The following HCN1 variants were observed in gnomAD, a reference collection of about 807,000 sequenced individuals.
HCN1 encodes hyperpolarization activated cyclic nucleotide gated potassium channel 1.
A neutral mutation model predicts 78.9 loss-of-function variants in HCN1; 13 were observed. The ratio of observed to expected loss-of-function variants is 0.16; its 90% CI spans 0.11 to 0.26. The LOEUF (loss-of-function observed/expected upper bound fraction) is 0.26, where lower values mean the gene tolerates loss of function less well. Among genes scored for constraint, HCN1 ranks in the 10% least tolerant of loss-of-function variants. HCN1 has a pLI of 1.00. For synonymous variants in HCN1, 552 were observed against 455.5 expected (o/e 1.21, Z -2.70); for missense variants, 810 against 1,154.3 (o/e 0.70, Z 4.32).
At chr5:45,489,443 G>A (rs913964998) in intron 2 of HCN1, among the ~76,000 whole-genome samples, 1 of 152,094 alleles carries the variant, frequency 6.6e-6, no homozygotes, top group South Asian at 2.1e-4. Flanking sequence ...GAATAAAAGT[G>A]TTTTTCTGTT....
intron 6 of HCN1, among the ~76,000 whole-genome samples, chr5:45,301,723 A>T (rs1286009209): frequency 8.0e-5 from 6 of 74,570 alleles, no homozygotes; most frequent in Admixed American, 1.4e-4. Flanking sequence ...CCTGTCATTT[A>T]AAAAAAAAAA....
At chr5:45,388,286 A>G (rs1747968096) in intron 4 of HCN1, among the ~76,000 whole-genome samples, 1 of 152,138 alleles carries the variant, frequency 6.6e-6, no homozygotes, top group Non-Finnish European at 1.5e-5. Flanking sequence ...GAGTGGTCAC[A>G]GTTCTGCTTA....
At chr5:45,373,160 T>C (rs1224514005) in intron 4 of HCN1, among the ~76,000 whole-genome samples, 7 of 122,408 alleles carry the variant, frequency 5.7e-5, no homozygotes, top group Non-Finnish European at 7.8e-5. Flanking sequence ...TATAAAAATA[T>C]ATGTACTTTA....
At chr5:45,430,691 G>A (rs189786682) in intron 3 of HCN1, among the ~76,000 whole-genome samples, 24 of 151,772 alleles carry the variant, frequency 1.6e-4, no homozygotes, top group Non-Finnish European at 3.2e-4. Context: ...CTCCATCATC[G>A]GGCGCTTGTA....
chr5:45,518,254 A>T (rs1742548704), intron 2 of HCN1, among the ~76,000 whole-genome samples: 2 of 151,974 alleles, frequency 1.3e-5, no homozygotes. Flanking sequence ...TAGACTCTAA[A>T]TTGTTGTGGG....
chr5:45,301,618 A>T (rs1208290056), intron 6 of HCN1, among the ~76,000 whole-genome samples: 1 of 150,300 alleles, frequency 6.7e-6, no homozygotes, highest in Non-Finnish European at 1.5e-5. Context: ...GCTACTAGGG[A>T]GGCTGAGGTG....
intron 4 of HCN1, among the ~76,000 whole-genome samples, chr5:45,388,999 A>C (rs911876699): frequency 6.6e-6 from 1 of 152,080 alleles, no homozygotes; most frequent in Non-Finnish European, 1.5e-5. Flanking sequence ...TATTATACAC[A>C]CTGTTGATTA....
intron 2 of HCN1, among the ~76,000 whole-genome samples, chr5:45,607,168 C>T (rs890474625): frequency 2.6e-5 from 4 of 151,148 alleles, no homozygotes; most frequent in Non-Finnish European, 5.9e-5. Flanking sequence ...AGAAATAACA[C>T]GATTTAAATA....
At chr5:45,330,852 A>G (rs1246479386) in intron 5 of HCN1, among the ~76,000 whole-genome samples, 1 of 151,196 alleles carries the variant, frequency 6.6e-6, no homozygotes, top group Non-Finnish European at 1.5e-5. Context: ...TGGAAATTTT[A>G]TCTTTCTCAA....
At chr5:45,535,204 T>G (rs1020879517) in intron 2 of HCN1, among the ~76,000 whole-genome samples, 7 of 152,208 alleles carry the variant, frequency 4.6e-5, no homozygotes, top group African/African-American at 1.4e-4. Context: ...AGGGACTATC[T>G]TATAACACAA....
At chr5:45,317,044 C>A (rs1369924430) in intron 5 of HCN1, among the ~76,000 whole-genome samples, 2 of 151,830 alleles carry the variant, frequency 1.3e-5, no homozygotes, top group Non-Finnish European at 2.9e-5. Context: ...TGACTTTCTT[C>A]AAAAAATTGG....
At position 45,686,289 on chromosome 5, in the gene HCN1, C is replaced by T. The variant is rs1291474603; in HGVS notation, c.425+9380G>A. 4.0e-5 allele frequency among the ~76,000 whole-genome samples: 6 copies of T among 151,552 alleles called. No individual in the cohort carries two copies. The East Asian group carries it at 1.2e-3, about 29-fold the overall frequency. The stretch of plus-strand genomic sequence containing the variant: ...AAGGATTATAAGGAGAACATATAAG[C>T]CTCTCCCTTTTCCTTTTACCCTACA... On this transcript the variant is annotated intron_variant, in intron 1 of 7. Coordinates refer to ENST00000303230, the MANE Select transcript of HCN1 (RefSeq NM_021072.4).
chr5:45,585,742 C>T (rs1328565620), intron 2 of HCN1, among the ~76,000 whole-genome samples: 1 of 152,172 alleles, frequency 6.6e-6, no homozygotes, highest in African/African-American at 2.4e-5. Context: ...TTCCTTCTAA[C>T]AGTCGGGACC....
At chr5:45,590,352 C>T in intron 2 of HCN1, among the ~76,000 whole-genome samples, 1 of 152,158 alleles carries the variant, frequency 6.6e-6, no homozygotes, top group Non-Finnish European at 1.5e-5. Context: ...ACAGAGATTT[C>T]CCATCTACCC....
chr5:45,509,365 T>C (rs1742364683), intron 2 of HCN1, among the ~76,000 whole-genome samples: 1 of 152,076 alleles, frequency 6.6e-6, no homozygotes, highest in Non-Finnish European at 1.5e-5. Flanking sequence ...CACATTTAAC[T>C]ATATATGCTC....
At chr5:45,657,543 T>G (rs186925499) in intron 1 of HCN1, among the ~76,000 whole-genome samples, 1 of 152,314 alleles carries the variant, frequency 6.6e-6, no homozygotes, top group Admixed American at 6.5e-5. Context: ...ATTTACTAAG[T>G]TCTGCAAAAA....
intron 2 of HCN1, among the ~76,000 whole-genome samples, chr5:45,518,230 T>C (rs577092201): frequency 6.6e-6 from 1 of 152,172 alleles, no homozygotes; most frequent in East Asian, 1.9e-4. Flanking sequence ...ATCAATCATT[T>C]ATTTGCATCA....
chr5:45,350,102 G>A (rs1359644936), intron 5 of HCN1, among the ~76,000 whole-genome samples: 1 of 152,172 alleles, frequency 6.6e-6, no homozygotes, highest in East Asian at 1.9e-4. Flanking sequence ...TATCCTTGAT[G>A]AACATTGATG....
At position 45,669,219 on chromosome 5, in the gene HCN1, A is replaced by G. The variant is rs532963641; in HGVS notation, c.426-23611T>C. On this transcript the variant is annotated intron_variant, in intron 1 of 7. Coordinates refer to ENST00000303230, the MANE Select transcript of HCN1 (RefSeq NM_021072.4). Reference sequence around the variant, plus strand: ...TTTAATATAAAAAACTAACTTGGGGAAGGCAAAGAAGAAGAGATGGAGTCA... The same window carrying G: ...TTTAATATAAAAAACTAACTTGGGGGAGGCAAAGAAGAAGAGATGGAGTCA... 3.9e-5 allele frequency among the ~76,000 whole-genome samples: 6 copies of G among 152,002 alleles called. 1 individual carries two copies. In the South Asian group the frequency reaches 1.0e-3, roughly 26 times the overall value.
Sources: allele counts gnomAD v4.1 joint callset (sites outside exome capture counted in the v4.1 genomes callset), GRCh38; gene constraint gnomAD v4.1.1; transcripts MANE v1.5; gene names NCBI Gene and HGNC (gene_info 2026-07-23, HGNC 2026-07-21).